The following ZNF554 variants were observed in gnomAD, a reference collection of about 807,000 sequenced individuals.
ZNF554 encodes the protein zinc finger protein 554.
In ZNF554, 15 loss-of-function variants were observed where a neutral mutation model predicts 21.2. The observed-to-expected ratio is 0.71, with a 90% CI of 0.47 to 1.09. ZNF554 has a LOEUF of 1.09. Among genes scored for constraint, ZNF554 ranks in the 50% least tolerant of loss-of-function variants. The pLI is 0.00. For synonymous variants in ZNF554, 258 were observed against 251.4 expected (o/e 1.03, Z -0.25); for missense variants, 691 against 662.7 (o/e 1.04, Z -0.47).
rs1027009457 is a variant in ZNF554 at position 2,832,330 on chromosome 19, T to C, written c.281T>C (p.Val94Ala). Residue 94 changes from valine to alanine, a missense_variant, in exon 4 of 5, where the codon GTG becomes GCG. Val to Ala is a moderately conservative substitution (Grantham distance 64). Coordinates refer to ENST00000317243, the MANE Select transcript of ZNF554 (RefSeq NM_001102651.2). The part of the protein sequence containing the change: ...LEALKNQCTD[V>A]GIKEGPLSPA... ...GCCTTGAAGAACCAATGTACTGATGTGGGGATTAAAGAGGGTCCACTTTCC... is the reference window on the plus strand; with the variant it reads ...GCCTTGAAGAACCAATGTACTGATGCGGGGATTAAAGAGGGTCCACTTTCC... 52 of 1,610,104 alleles carry C rather than the reference T, an allele frequency of 3.2e-5. No homozygotes were observed. Among genetic ancestry groups the C allele is most frequent in the Non-Finnish European group, 4.4e-5 (52 of 1,178,620 alleles).
rs958135616 is a variant in ZNF554, at chr19:2,836,124, A to G, written c.*1272A>G. Among the ~76,000 whole-genome samples, 2 of 151,592 alleles carry G rather than the reference A, an allele frequency of 1.3e-5. No homozygotes were observed. The highest frequency in any genetic ancestry group is 4.8e-5 in the African/African-American group (2 of 41,280). Reference sequence around the variant, plus strand: ...AGTGCTGGTATTACAGGTGTGAGCCACCGTGCTGGTATTACGGGTGTGAGC... The same window carrying G: ...AGTGCTGGTATTACAGGTGTGAGCCGCCGTGCTGGTATTACGGGTGTGAGC... On this transcript the variant is annotated 3_prime_UTR_variant, in exon 5 of 5. Coordinates refer to ENST00000317243, the MANE Select transcript of ZNF554 (RefSeq NM_001102651.2).
At chr19:2,826,567 C>G (rs940311186) in intron 2 of ZNF554, among the ~76,000 whole-genome samples, 5 of 152,052 alleles carry the variant, frequency 3.3e-5, no homozygotes, top group Non-Finnish European at 7.3e-5. Flanking sequence ...ACCTGGATAG[C>G]CATTCAGGCC....
At chr19:2,824,670 A>G (rs2087306263) in intron 2 of ZNF554, among the ~76,000 whole-genome samples, 1 of 152,268 alleles carries the variant, frequency 6.6e-6, no homozygotes, top group Non-Finnish European at 1.5e-5. Flanking sequence ...CACACATGAA[A>G]TACATATGAA....
intron 4 of ZNF554, among the ~76,000 whole-genome samples, chr19:2,833,473 C>T (rs76896429): frequency 0.017 from 2,561 of 152,306 alleles, 35 homozygotes; most frequent in South Asian, 0.024. Flanking sequence ...TTTCCCATCA[C>T]TGTCAATCTT....
intron 2 of ZNF554, among the ~76,000 whole-genome samples, chr19:2,824,674 A>C (rs565278265): frequency 1.8e-4 from 28 of 152,374 alleles, no homozygotes; most frequent in African/African-American, 6.5e-4. Context: ...CATGAAATAC[A>C]TATGAACTTT....
chr19:2,832,283 TATAC>T lies in ZNF554; in HGVS notation c.254-19_254-16del. The stretch of plus-strand genomic sequence containing the variant: ...TCATTATCTTGTGCTACCTCTCAAG[TATAC>T]TCTTGTCTTTTTCAGAAGCCTTGAA... On this transcript the variant is annotated splice_polypyrimidine_tract_variant and intron_variant, in intron 3 of 4. Coordinates refer to ENST00000317243, the MANE Select transcript of ZNF554 (RefSeq NM_001102651.2). 2 of 1,561,246 alleles carry T rather than the reference TATAC, an allele frequency of 1.3e-6. No homozygotes were observed. Among genetic ancestry groups the T allele is most frequent in the African/African-American group, 1.4e-5 (1 of 72,478 alleles).
chr19:2,833,826 G>C lies in ZNF554; in HGVS notation c.591G>C (p.Gln197His), dbSNP rs780937949. ...TAGAGGACAGCCATGAAGACCCCCA[G>C]GGGCTTTTGAGCCAAAAGGCATCCC... ...KQLEDSHEDPQGLLSQKASLH... is the reference protein window; with the variant it reads ...KQLEDSHEDPHGLLSQKASLH... The change falls in exon 5 of 5, where the codon CAG becomes CAC. Residue 197 changes from glutamine to histidine, a missense_variant. Transcript: ENST00000317243. The C allele has an allele frequency of 6.2e-7, 1 of 1,612,908 alleles. No individual in the cohort carries two copies. Among genetic ancestry groups the C allele is most frequent in the East Asian group, 2.2e-5 (1 of 44,856 alleles).
chr19:2,822,529 A>C (rs1293747852), intron 1 of ZNF554, among the ~76,000 whole-genome samples: 1 of 152,148 alleles, frequency 6.6e-6, no homozygotes, highest in Non-Finnish European at 1.5e-5. Flanking sequence ...GGTGTTTTGT[A>C]AACTTGTTTG....
In ZNF554 at chr19:2,832,334, G is replaced by T. The variant is rs2144821992; in HGVS notation, c.285G>T (p.Gly95=). 1 of 1,611,776 alleles carries T rather than the reference G, an allele frequency of 6.2e-7. No homozygotes were observed. Residue 95 remains glycine, a synonymous_variant, in exon 4 of 5, where the codon GGG becomes GGT. Transcript: ENST00000317243. ...TGAAGAACCAATGTACTGATGTGGGGATTAAAGAGGGTCCACTTTCCCCAG... is the reference window on the plus strand; with the variant it reads ...TGAAGAACCAATGTACTGATGTGGGTATTAAAGAGGGTCCACTTTCCCCAG... The part of the protein sequence containing the change: ...EALKNQCTDV[G]IKEGPLSPAQ...
intron 3 of ZNF554, among the ~76,000 whole-genome samples, chr19:2,828,958 C>T (rs1004758068): frequency 6.6e-6 from 1 of 151,950 alleles, no homozygotes; most frequent in South Asian, 2.1e-4. Context: ...GATTACAATT[C>T]GAGGTGAGAT....
intron 3 of ZNF554, among the ~76,000 whole-genome samples, chr19:2,829,276 T>A (rs896281687): frequency 6.6e-6 from 1 of 152,122 alleles, no homozygotes; most frequent in East Asian, 1.9e-4. Flanking sequence ...TGAGAATCGC[T>A]TGAACCTGAG....
At chr19:2,827,114 T>C (rs1256217131) in intron 2 of ZNF554, among the ~76,000 whole-genome samples, 2 of 152,240 alleles carry the variant, frequency 1.3e-5, no homozygotes, top group Non-Finnish European at 1.5e-5. Flanking sequence ...CTTCTGACTA[T>C]GGCAATAGCA....
Position 2,821,896 on chromosome 19 carries a change from C to G in ZNF554, c.54-1144C>G, listed in dbSNP as rs949821172. 7.2e-5 allele frequency among the ~76,000 whole-genome samples: 11 copies of G among 152,116 alleles called. 1 individual carries two copies. In the South Asian group the frequency reaches 1.2e-3, roughly 17 times the overall value. On this transcript the variant is annotated intron_variant, in intron 1 of 4. Coordinates refer to ENST00000317243, the MANE Select transcript of ZNF554 (RefSeq NM_001102651.2). This position sits in a 1 kb window ranked among gnomAD's most constrained non-coding sequence, Gnocchi z 8.2. Reference sequence around the variant, plus strand: ...GCCAGGCTGGTCTCGAACTCCTGACCTCGTGGTCTGCCCGCCTTGGCCTTT... The same window carrying G: ...GCCAGGCTGGTCTCGAACTCCTGACGTCGTGGTCTGCCCGCCTTGGCCTTT...
intron 3 of ZNF554, 92 bp from the exon 4 acceptor site, chr19:2,832,211 C>T: frequency 7.7e-7 from 1 of 1,304,878 alleles, no homozygotes; most frequent in Middle Eastern, 2.2e-4. Context: ...CAGGAGTGAG[C>T]CACCATGCCT....
At chr19:2,826,364 T>TGCCC (rs1568333069) in intron 2 of ZNF554, 65 of 151,704 alleles carry the variant, frequency 4.3e-4, no homozygotes, top group African/African-American at 1.5e-3. Context: ...CCACCACGAT[T>TGCCC]GGCTGATTTT....
intron 3 of ZNF554, 69 bp downstream of exon 3, chr19:2,827,812 C>T: frequency 1.3e-6 from 2 of 1,566,860 alleles, no homozygotes; most frequent in Non-Finnish European, 1.7e-6. Context: ...TCTGTTCTCA[C>T]ACTGCTAATA....
At position 2,820,683 on chromosome 19, in the gene ZNF554, C is replaced by CTTTTTTTTTTTTTTTTTTT. The variant is rs1568330714; in HGVS notation, c.53+559_53+560insTTTTTTTTTTTTTTTTTTT. On this transcript the variant is annotated intron_variant, in intron 1 of 4. Coordinates refer to ENST00000317243, the MANE Select transcript of ZNF554 (RefSeq NM_001102651.2). ...GTCCTGGTGATAAGACAGCAAGGGT[C>CTTTTTTTTTTTTTTTTTTT]CTTTTTTTTTTTTTTTTGAGACGGA... 2.4e-3 allele frequency among the ~76,000 whole-genome samples: 195 copies of CTTTTTTTTTTTTTTTTTTT among 81,826 alleles called. 2 individuals carry two copies. Among genetic ancestry groups the CTTTTTTTTTTTTTTTTTTT allele is most frequent in the African/African-American group, 0.011 (187 of 16,488 alleles). The allele number at this position is 81,826 out of a possible 152,430, so 53.7% of individuals were successfully genotyped here.
At position 2,833,978 on chromosome 19, in the gene ZNF554, A is replaced by T; in HGVS notation, c.743A>T (p.Glu248Val). 1 of 1,614,114 alleles carries T rather than the reference A, an allele frequency of 6.2e-7. No individual in the cohort carries two copies. Among genetic ancestry groups the T allele is most frequent in the Admixed American group, 1.7e-5 (1 of 60,010 alleles). Residue 248 changes from glutamate (E) to valine (V), a missense_variant, in exon 5 of 5, where the codon GAG becomes GTG. Physicochemically the swap from Glu to Val is moderately radical, Grantham distance 121 (BLOSUM62 -2). Transcript: ENST00000317243. ...SSKGNHLCGS[E>V]LDITSLASDS... ...AAAGGGAACCACTTGTGTGGCAGCG[A>T]GTTAGATATTACAAGCTTGGCATCC...
intron 4 of ZNF554, chr19:2,833,417 C>T: frequency 3.5e-6 from 1 of 282,284 alleles, no homozygotes; most frequent in Non-Finnish European, 6.6e-6. Context: ...AGCCACTGCA[C>T]CTGGCCTACA....
Sources: gnomAD v4.1 joint callset for allele counts (sites outside exome capture counted in the v4.1 genomes callset) on GRCh38, gnomAD v4.1.1 for gene constraint, Gnocchi (gnomAD v3.1) non-coding constraint, MANE v1.5 for transcripts, NCBI Gene and HGNC (gene_info 2026-07-23, HGNC 2026-07-21) for gene names.